CCL25: variants seen among roughly 807,000 people sequenced by gnomAD.
CCL25 encodes C-C motif chemokine ligand 25.
CCL25 carries 14 observed loss-of-function variants against 19.9 expected under a neutral mutation model. The ratio of observed to expected loss-of-function variants is 0.70; its 90% CI spans 0.47 to 1.10. The LOEUF (loss-of-function observed/expected upper bound fraction) is 1.10, where lower values mean the gene tolerates loss of function less well. Among genes scored for constraint, CCL25 ranks in the 50% least tolerant of loss-of-function variants. CCL25 has a pLI of 0.00. For synonymous variants in CCL25, 68 were observed against 73.2 expected, an observed-to-expected ratio of 0.93 and a Z score of 0.36; for missense variants, 151 against 181.2, an observed-to-expected ratio of 0.83 and a Z score of 0.96.
chr19:8,059,120 A>AAT (rs1450121850), intron 5 of CCL25, among the ~76,000 whole-genome samples: 5 of 105,438 alleles, frequency 4.7e-5, no homozygotes, highest in Admixed American at 1.4e-4. Context: ...ATAATATATA[A>AAT]ATATATATAA....
chr19:8,052,430 C>T (rs1198149165), upstream of CCL25, among the ~76,000 whole-genome samples: 15 of 151,648 alleles, frequency 9.9e-5, no homozygotes, highest in Admixed American at 4.6e-4. Flanking sequence ...GGCTTGAGGG[C>T]GGGGGGAGCA....
At chr19:8,058,579 T>C (rs567225741) in intron 5 of CCL25, among the ~76,000 whole-genome samples, 47 of 117,390 alleles carry the variant, frequency 4.0e-4, no homozygotes, top group Non-Finnish European at 7.6e-4. Context: ...ATATAATATA[T>C]AAATATATAA....
chr19:8,061,975 T>C (rs981473290), intron 5 of CCL25, among the ~76,000 whole-genome samples: 3 of 146,448 alleles, frequency 2.0e-5, no homozygotes, highest in African/African-American at 7.6e-5. Flanking sequence ...GCTTGAGTCC[T>C]GGAGGCGGAG....
At chr19:8,057,657 T>C in intron 4 of CCL25, 144 bp from the exon 5 acceptor site, 1 of 1,317,304 alleles carries the variant, frequency 7.6e-7, no homozygotes, top group Non-Finnish European at 1.0e-6. Flanking sequence ...ATCAGGACAC[T>C]TTCCACTGGT....
chr19:8,057,900 T>C lies in CCL25; in HGVS notation c.425T>C (p.Leu142Pro). Residue 142 changes from leucine to proline, a missense_variant, in exon 5 of 6, where the codon CTC becomes CCC. Coordinates refer to ENST00000315626, the MANE Select transcript of CCL25 (RefSeq NM_005624.4). ...PISSSKRNVSLLISANSGL is the reference protein window; with the variant it reads ...PISSSKRNVSPLISANSGL ...AGCAGCAGTAAGAGGAATGTCTCCC[T>C]CCTGATATCAGCTAATTCAGGTAAG... is the stretch of plus-strand genomic sequence containing the variant. 1 of 1,612,812 alleles carries C rather than the reference T, an allele frequency of 6.2e-7. No individual in the cohort carries two copies. Among genetic ancestry groups the C allele is most frequent in the Non-Finnish European group, 8.5e-7 (1 of 1,179,084 alleles).
chr19:8,053,570 A>G, intron 2 of CCL25, among the ~76,000 whole-genome samples: 2 of 132,876 alleles, frequency 1.5e-5, no homozygotes, highest in Admixed American at 8.1e-5. Context: ...TTTTTTTGAG[A>G]CAGAGTCTCA....
chr19:8,056,046 T>G (rs1047738502), intron 2 of CCL25, 106 bp from the exon 3 acceptor site: 7 of 724,488 alleles, frequency 9.7e-6, no homozygotes, highest in Admixed American at 7.6e-5. Context: ...CCTGGAAGGG[T>G]TGTGGTATGA....
chr19:8,056,621 A>G (rs2081274645), intron 4 of CCL25, 122 bp downstream of exon 4: 1 of 1,111,864 alleles, frequency 9.0e-7, no homozygotes, highest in Non-Finnish European at 1.3e-6. Flanking sequence ...CTGAACCCCA[A>G]ACAAAGCCAG....
chr19:8,052,588 G>C (rs2081239702), upstream of CCL25, among the ~76,000 whole-genome samples: 1 of 151,722 alleles, frequency 6.6e-6, no homozygotes, highest in Non-Finnish European at 1.5e-5. Context: ...GCCTGGGATG[G>C]GGAGTGGGGA....
At chr19:8,055,547 G>C (rs1043023673) in intron 2 of CCL25, among the ~76,000 whole-genome samples, 1 of 151,872 alleles carries the variant, frequency 6.6e-6, no homozygotes, top group South Asian at 2.1e-4. Flanking sequence ...TGTTAGCCAG[G>C]ATGGTCTCAA....
At chr19:8,055,872 A>T (rs1035131715) in intron 2 of CCL25, among the ~76,000 whole-genome samples, 1 of 152,094 alleles carries the variant, frequency 6.6e-6, no homozygotes, top group East Asian at 1.9e-4. Flanking sequence ...TTTTCCCCAG[A>T]GCAGGAGTAG....
chr19:8,056,572 C>G (rs2038697815), intron 4 of CCL25, 73 bp downstream of exon 4: 2 of 1,558,106 alleles, frequency 1.3e-6, no homozygotes, highest in East Asian at 4.5e-5. Context: ...GGTTCAGACC[C>G]CGAGGGAGGG....
intron 5 of CCL25, among the ~76,000 whole-genome samples, chr19:8,058,993 T>C (rs1287815600): frequency 6.1e-5 from 8 of 131,928 alleles, no homozygotes; most frequent in Admixed American, 1.9e-4. Flanking sequence ...TATATAAATA[T>C]ATAATATAAA....
upstream of CCL25, among the ~76,000 whole-genome samples, chr19:8,052,468 A>C (rs1251208961): frequency 6.6e-6 from 1 of 151,832 alleles, no homozygotes; most frequent in East Asian, 1.9e-4. Flanking sequence ...TTGGGGGCTC[A>C]AGGCAGTCTG....
At chr19:8,056,864 A>G (rs2081276070) in intron 4 of CCL25, among the ~76,000 whole-genome samples, 1 of 151,960 alleles carries the variant, frequency 6.6e-6, no homozygotes, top group African/African-American at 2.4e-5. Context: ...TTATTTTGAG[A>G]CAGAGTCTTA....
chr19:8,053,103 C>G lies in CCL25; in HGVS notation c.54C>G (p.Ala18=). ...TGGCCGGCTTCCTGGGAGCCTGGGC[C>G]CCCGCTGTCCACACCCAAGGTACTG... ...CLVAGFLGAW[A]PAVHTQGVFE... is the part of the protein sequence containing the mutation. Residue 18 remains alanine (A), a synonymous_variant, in exon 2 of 6, where the codon GCC becomes GCG. Transcript: ENST00000315626. 6.4e-7 allele frequency: 1 copy of G among 1,556,570 alleles called. No individual in the cohort carries two copies. The highest frequency in any genetic ancestry group is 8.7e-7 in the Non-Finnish European group (1 of 1,149,770).
chr19:8,059,120 A>T (rs1161008419), intron 5 of CCL25, among the ~76,000 whole-genome samples: 1 of 105,440 alleles, frequency 9.5e-6, no homozygotes, highest in Non-Finnish European at 1.8e-5. Flanking sequence ...ATAATATATA[A>T]ATATATATAA....
chr19:8,057,850 A>G lies in CCL25; in HGVS notation c.375A>G (p.Ser125=). ...KKLSSGNSKL[S]SSKFSNPISS... is the part of the protein sequence containing the mutation. ...TGAGTTCTGGAAACTCCAAGTTATC[A>G]TCGTCCAAGTTTAGCAATCCCATCA... is the stretch of plus-strand genomic sequence containing the variant. Residue 125 remains serine (S), a synonymous_variant, in exon 5 of 6, where the codon TCA becomes TCG. Coordinates refer to ENST00000315626, the MANE Select transcript of CCL25 (RefSeq NM_005624.4). 1 of 1,613,654 alleles carries G rather than the reference A, an allele frequency of 6.2e-7. No individual in the cohort carries two copies.
rs766109565 is a variant in CCL25, at chr19:8,056,205, C to A, written c.127C>A (p.Leu43Ile). 5.1e-6 allele frequency: 8 copies of A among 1,568,900 alleles called. No individual in the cohort carries two copies. The highest frequency in any genetic ancestry group is 6.9e-6 in the Non-Finnish European group (8 of 1,157,250). ...CCACTACCCCATTGGGTGGGCTGTG[C>A]TCCGGCGCGCCTGGACTTACCGGAT... The part of the protein sequence containing the change: ...AYHYPIGWAV[L>I]RRAWTYRIQE... The change falls in exon 3 of 6, where the codon CTC becomes ATC. Residue 43 changes from leucine (L) to isoleucine (I), a missense_variant. By Grantham distance (5) the Leu-to-Ile change is conservative. Coordinates refer to ENST00000315626, the MANE Select transcript of CCL25 (RefSeq NM_005624.4).
Sources: gnomAD v4.1 joint callset for allele counts (sites outside exome capture counted in the v4.1 genomes callset) on GRCh38, gnomAD v4.1.1 for gene constraint, MANE v1.5 for transcripts, NCBI Gene and HGNC (gene_info 2026-07-23, HGNC 2026-07-21) for gene names.